Variants in NINL observed in about 807,000 individuals in gnomAD.
NINL encodes ninein-like protein.
Under a neutral mutation model 160.3 loss-of-function variants are expected in NINL, and 153 were observed. The observed-to-expected ratio is 0.95, with a 90% CI of 0.84 to 1.09. The LOEUF (loss-of-function observed/expected upper bound fraction) is 1.09, where lower values mean the gene tolerates loss of function less well. Ranked by LOEUF, NINL falls within the 50% of genes least tolerant of loss-of-function variation. NINL has a pLI of 0.00. For synonymous variants in NINL, 800 were observed against 734.8 expected (o/e 1.09, Z -1.43); for missense variants, 1,829 against 1,764.0 (o/e 1.04, Z -0.66).
At position 25,462,399 on chromosome 20, in the gene NINL, C is replaced by T. The variant is rs757265210; in HGVS notation, c.3566G>A (p.Arg1189His). The T allele has an allele frequency of 6.8e-6, 11 of 1,613,212 alleles. No individual in the cohort carries two copies. Among genetic ancestry groups the T allele is most frequent in the African/African-American group, 2.7e-5 (2 of 74,820 alleles). The stretch of plus-strand genomic sequence containing the variant: ...GCCACCCACCTGCTGCTGCCCACTG[C>T]GAACCACCTCCTCCAGGCTCTGTGT... ...MLTQSLEEVVRSGQQQSDQIQ... is the reference protein window; with the variant it reads ...MLTQSLEEVVHSGQQQSDQIQ... The change falls in exon 20 of 24, where the codon CGC (arginine) becomes CAC (histidine). Residue 1189 changes from arginine to histidine, a missense_variant. Arg to His is a conservative substitution (Grantham distance 29). Transcript: ENST00000278886.
chr20:25,462,198 T>C (rs2062806627), intron 20 of NINL, among the ~76,000 whole-genome samples, 185 bp downstream of exon 20: 1 of 152,244 alleles, frequency 6.6e-6, no homozygotes, highest in Non-Finnish European at 1.5e-5. Flanking sequence ...AAAGCTATTC[T>C]GCTATTTTCT....
intron 14 of NINL, among the ~76,000 whole-genome samples, chr20:25,481,176 C>G (rs1378094845): frequency 6.6e-6 from 1 of 152,156 alleles, no homozygotes; most frequent in Non-Finnish European, 1.5e-5. Context: ...CCCGGGGTTA[C>G]AGATGGCAGC....
At chr20:25,479,415 C>G (rs759165406) in intron 15 of NINL, among the ~76,000 whole-genome samples, 8 of 152,204 alleles carry the variant, frequency 5.3e-5, no homozygotes, top group Non-Finnish European at 1.0e-4. Context: ...ACCTATCCCC[C>G]CTGAGGCAGG....
At chr20:25,516,701 A>ACCTC (rs1384056477) in intron 3 of NINL, among the ~76,000 whole-genome samples, 1 of 151,980 alleles carries the variant, frequency 6.6e-6, no homozygotes, top group Non-Finnish European at 1.5e-5. Flanking sequence ...AGCAACTTAC[A>ACCTC]CCTCACCCAG....
chr20:25,548,700 C>T (rs1312378389), intron 1 of NINL, among the ~76,000 whole-genome samples: 4 of 148,752 alleles, frequency 2.7e-5, no homozygotes, highest in Non-Finnish European at 4.5e-5. Flanking sequence ...CCAGCCCCAC[C>T]CGGGGCTGAC....
chr20:25,568,652 C>T (rs916782802), intron 1 of NINL, among the ~76,000 whole-genome samples: 2 of 151,574 alleles, frequency 1.3e-5, no homozygotes, highest in Non-Finnish European at 2.9e-5. Flanking sequence ...CTCGAGTGAT[C>T]CTGCCACCTC....
chr20:25,508,714 C>T (rs1358978044), intron 5 of NINL, among the ~76,000 whole-genome samples: 1 of 152,260 alleles, frequency 6.6e-6, no homozygotes, highest in East Asian at 1.9e-4. Context: ...TTCAGCCGGG[C>T]TCCAGCCTCT....
At chr20:25,584,383 C>A (rs2065205249) in intron 1 of NINL, among the ~76,000 whole-genome samples, 1 of 152,192 alleles carries the variant, frequency 6.6e-6, no homozygotes, top group African/African-American at 2.4e-5. Flanking sequence ...TCGCTTGAAT[C>A]CGGGAGGCAG....
intron 1 of NINL, among the ~76,000 whole-genome samples, chr20:25,531,932 G>A (rs1424294968): frequency 6.6e-6 from 1 of 152,152 alleles, no homozygotes; most frequent in Non-Finnish European, 1.5e-5. Flanking sequence ...ACTACACAGG[G>A]GAAGGCACAA....
At chr20:25,505,728 G>A (rs1393617396) in intron 5 of NINL, among the ~76,000 whole-genome samples, 1 of 152,206 alleles carries the variant, frequency 6.6e-6, no homozygotes, top group East Asian at 1.9e-4. Flanking sequence ...ATAGAGGGCT[G>A]GATGGATGGA....
chr20:25,501,087 C>G (rs1169681525), intron 7 of NINL, 77 bp from the exon 8 acceptor site: 1 of 1,505,238 alleles, frequency 6.6e-7, no homozygotes, highest in Non-Finnish European at 8.9e-7. Context: ...GCTCTCCACC[C>G]TCCCCAGCCT....
intron 5 of NINL, among the ~76,000 whole-genome samples, chr20:25,508,405 T>C (rs1055180607): frequency 2.0e-5 from 3 of 152,232 alleles, no homozygotes; most frequent in Admixed American, 6.5e-5. Flanking sequence ...GACTAAGGAA[T>C]ACAGACCAGT....
At chr20:25,547,623 G>A (rs1260413083) in intron 1 of NINL, among the ~76,000 whole-genome samples, 1 of 152,078 alleles carries the variant, frequency 6.6e-6, no homozygotes, top group Non-Finnish European at 1.5e-5. Flanking sequence ...ACGTGGTGTG[G>A]AAAGACCACG....
In NINL at chr20:25,526,581, C is replaced by G. The variant is rs1473936731; in HGVS notation, c.7G>C (p.Glu3Gln). MD[E>Q]EENHYVSQLR... ...TGCGAGACATAGTGGTTCTCTTCTT[C>G]ATCCATCCCATAGCAGGCTGGCAGT... The change falls in exon 2 of 24, where the codon GAA becomes CAA. Residue 3 changes from glutamate to glutamine, a missense_variant. By Grantham distance (29) the Glu-to-Gln change is conservative. Transcript: ENST00000278886. 2 of 1,613,566 alleles carry G rather than the reference C, an allele frequency of 1.2e-6. No individual in the cohort carries two copies. The highest frequency in any genetic ancestry group is 2.7e-5 in the African/African-American group (2 of 74,930).
chr20:25,578,649 C>T lies in NINL; in HGVS notation c.-12+6806G>A, dbSNP rs181090873. Among the ~76,000 whole-genome samples the T allele has an allele frequency of 1.2e-3, 189 of 151,490 alleles. 1 individual carries two copies. The highest frequency in any genetic ancestry group is 2.1e-3 in the Non-Finnish European group (145 of 67,890). On this transcript the variant is annotated intron_variant, in intron 1 of 23. Transcript: ENST00000278886. ...TCTACTAAAAATAGAAAAAATTAGCCGGGCATGGTGGCGGGCGCATGTAGT... is the reference window on the plus strand; with the variant it reads ...TCTACTAAAAATAGAAAAAATTAGCTGGGCATGGTGGCGGGCGCATGTAGT...
intron 2 of NINL, among the ~76,000 whole-genome samples, chr20:25,521,204 G>T (rs2146935347): frequency 6.6e-6 from 1 of 152,282 alleles, no homozygotes; most frequent in East Asian, 1.9e-4. Flanking sequence ...CTCTTCAGCT[G>T]TGTCTAATCT....
At chr20:25,496,519 T>A in intron 10 of NINL, 144 bp downstream of exon 10, 1 of 969,154 alleles carries the variant, frequency 1.0e-6, no homozygotes, top group South Asian at 1.6e-5. Context: ...GCCCCCTGGA[T>A]TCCCCCTGAC....
intron 17 of NINL, among the ~76,000 whole-genome samples, chr20:25,471,698 C>T (rs2063098261): frequency 2.0e-5 from 3 of 152,262 alleles, no homozygotes; most frequent in Non-Finnish European, 4.4e-5. Flanking sequence ...TGTGTCAGCA[C>T]TGCTATTAGC....
chr20:25,463,659 T>G (rs1440975334), intron 19 of NINL, among the ~76,000 whole-genome samples: 1 of 152,200 alleles, frequency 6.6e-6, no homozygotes, highest in East Asian at 1.9e-4. Flanking sequence ...TCCTGGGGGT[T>G]TGGAGTGATG....
Sources: allele counts gnomAD v4.1 joint callset (sites outside exome capture counted in the v4.1 genomes callset), GRCh38; gene constraint gnomAD v4.1.1; transcripts MANE v1.5; gene names NCBI Gene and HGNC (gene_info 2026-07-23, HGNC 2026-07-21).